The following PID1 variants were observed in gnomAD, a reference collection of about 807,000 sequenced individuals.
PID1 encodes phosphotyrosine interaction domain containing 1.
In PID1, 10 loss-of-function variants were observed where a neutral mutation model predicts 19.1. The ratio of observed to expected loss-of-function variants is 0.52; its 90% CI spans 0.32 to 0.89. PID1 has a LOEUF of 0.89. Ranked by LOEUF, PID1 falls within the 40% of genes least tolerant of loss-of-function variation. The pLI, the probability that PID1 is intolerant of heterozygous loss-of-function variation, is 0.03. For missense variants in PID1, 248 were observed against 285.3 expected, an observed-to-expected ratio of 0.87 and a Z score of 0.94; for synonymous variants, 130 against 116.0, an observed-to-expected ratio of 1.12 and a Z score of -0.78.
intron 1 of PID1, among the ~76,000 whole-genome samples, chr2:229,180,847 T>C (rs1262860087): frequency 3.9e-5 from 6 of 152,238 alleles, no homozygotes; most frequent in Admixed American, 2.6e-4. Context: ...AGGGAGGCCA[T>C]TGCCTGTCCC....
At chr2:229,041,936 C>A (rs547772967) in intron 2 of PID1, among the ~76,000 whole-genome samples, 29 of 152,176 alleles carry the variant, frequency 1.9e-4, no homozygotes, top group African/African-American at 6.5e-4. Flanking sequence ...GATCAGTTCC[C>A]GGGCACTCAT....
intron 1 of PID1, among the ~76,000 whole-genome samples, chr2:229,190,232 A>G (rs1691227256): frequency 6.6e-6 from 1 of 152,252 alleles, no homozygotes; most frequent in African/African-American, 2.4e-5. Context: ...TAATAAAAAG[A>G]GAGAGTAAAT....
intron 2 of PID1, among the ~76,000 whole-genome samples, chr2:229,046,039 T>C (rs1181680635): frequency 6.6e-6 from 1 of 152,208 alleles, no homozygotes; most frequent in Non-Finnish European, 1.5e-5. Flanking sequence ...TGCCCCTGGC[T>C]GGTAGCAATT....
At chr2:229,140,967 A>G (rs914039648) in intron 2 of PID1, among the ~76,000 whole-genome samples, 4 of 145,758 alleles carry the variant, frequency 2.7e-5, no homozygotes, top group East Asian at 2.0e-4. Context: ...ACCATGAACA[A>G]ATAAACTATT....
At chr2:229,083,291 A>G (rs988402577) in intron 2 of PID1, among the ~76,000 whole-genome samples, 1 of 152,192 alleles carries the variant, frequency 6.6e-6, no homozygotes, top group African/African-American at 2.4e-5. Context: ...ATACCAAGTA[A>G]TGGACTGCCC....
intron 1 of PID1, among the ~76,000 whole-genome samples, chr2:229,187,986 A>G (rs17614360): frequency 0.11 from 16,515 of 152,228 alleles, 1,053 homozygotes; most frequent in South Asian, 0.25. Flanking sequence ...TGTGTCACTG[A>G]GAATATGTTT....
chr2:229,084,902 T>C (rs1334972223), intron 2 of PID1, among the ~76,000 whole-genome samples: 1 of 99,994 alleles, frequency 1.0e-5, no homozygotes, highest in Non-Finnish European at 2.6e-5. Flanking sequence ...CTAAGAAAAA[T>C]ACTGCTTTAT....
intron 2 of PID1, among the ~76,000 whole-genome samples, chr2:229,136,071 G>A (rs1263673871): frequency 1.3e-5 from 2 of 152,110 alleles, no homozygotes; most frequent in African/African-American, 4.8e-5. Flanking sequence ...TGTCTGTCTT[G>A]CTCACTCACT....
chr2:229,123,414 C>T (rs1251140098), intron 2 of PID1, among the ~76,000 whole-genome samples: 1 of 152,154 alleles, frequency 6.6e-6, no homozygotes, highest in Non-Finnish European at 1.5e-5. Flanking sequence ...TTTTGTTCAT[C>T]TATTTATCAG....
At chr2:229,253,932 G>C (rs573031122) in intron 1 of PID1, among the ~76,000 whole-genome samples, 3 of 152,296 alleles carry the variant, frequency 2.0e-5, no homozygotes, top group Admixed American at 2.0e-4. Flanking sequence ...GAAAGGAGAG[G>C]GAGAGGATAC....
intron 1 of PID1, among the ~76,000 whole-genome samples, chr2:229,179,559 A>G (rs1690894958): frequency 6.6e-6 from 1 of 152,212 alleles, no homozygotes; most frequent in Non-Finnish European, 1.5e-5. Context: ...ATTTAAAAAG[A>G]GCTCATAGCG....
chr2:229,223,923 G>C (rs1012681587), intron 1 of PID1, among the ~76,000 whole-genome samples: 3 of 152,106 alleles, frequency 2.0e-5, no homozygotes, highest in African/African-American at 7.2e-5. Context: ...TTCAACCCTT[G>C]ATCCCCTTCC....
intron 2 of PID1, among the ~76,000 whole-genome samples, chr2:229,035,506 A>G (rs916725604): frequency 3.4e-5 from 5 of 148,268 alleles, no homozygotes; most frequent in Non-Finnish European, 6.0e-5. Flanking sequence ...AATCATTTAT[A>G]TGTGTGTGTG....
intron 1 of PID1, among the ~76,000 whole-genome samples, chr2:229,239,333 T>C (rs1469496053): frequency 1.3e-5 from 2 of 151,966 alleles, no homozygotes; most frequent in South Asian, 2.1e-4. Flanking sequence ...AAGCCTTTGG[T>C]TGAGAGGGAA....
intron 1 of PID1, among the ~76,000 whole-genome samples, chr2:229,187,071 G>GT (rs1691148647): frequency 6.6e-6 from 1 of 152,158 alleles, no homozygotes; most frequent in South Asian, 2.1e-4. Context: ...TTCCCAACAA[G>GT]TTCCTCATCT....
intron 1 of PID1, among the ~76,000 whole-genome samples, chr2:229,191,012 G>GA (rs1199906998): frequency 6.6e-6 from 1 of 152,136 alleles, no homozygotes. Flanking sequence ...TGTTACTAGG[G>GA]AAAAAATGTC....
At position 229,173,545 on chromosome 2, in the gene PID1, G is replaced by A. The variant is rs78294194; in HGVS notation, c.31-17581C>T. On this transcript the variant is annotated intron_variant, in intron 1 of 2. Coordinates refer to ENST00000392055, the MANE Select transcript of PID1 (RefSeq NM_001100818.2). ...TCTTCTTATTAATACTGAGTCATGC[G>A]CTCTACTGAGTATGCAGTGTTGAAT... Among the ~76,000 whole-genome samples, 947 of 152,252 alleles carry A rather than the reference G, an allele frequency of 6.2e-3. 11 individuals are homozygous for A. The highest frequency in any genetic ancestry group is 0.021 in the African/African-American group (869 of 41,530).
intron 2 of PID1, among the ~76,000 whole-genome samples, chr2:229,098,957 C>T (rs896183930): frequency 3.3e-5 from 5 of 152,162 alleles, no homozygotes; most frequent in Admixed American, 6.5e-5. Context: ...TTCTCTAATA[C>T]TAAAGAGACG....
At chr2:229,120,507 G>C (rs1198795642) in intron 2 of PID1, among the ~76,000 whole-genome samples, 1 of 151,824 alleles carries the variant, frequency 6.6e-6, no homozygotes, top group Non-Finnish European at 1.5e-5. Flanking sequence ...TGGTCTTGCT[G>C]TCTTAGGGGT....
Sources: gnomAD v4.1 joint callset for allele counts (sites outside exome capture counted in the v4.1 genomes callset) on GRCh38, gnomAD v4.1.1 for gene constraint, MANE v1.5 for transcripts, NCBI Gene and HGNC (gene_info 2026-07-23, HGNC 2026-07-21) for gene names.